Variants in ANKS1B observed in about 807,000 individuals in gnomAD.
ANKS1B encodes the protein ankyrin repeat and sterile alpha motif domain containing 1B.
In ANKS1B, 36 loss-of-function variants were observed where a neutral mutation model predicts 148.3. The observed-to-expected ratio is 0.24, with a 90% CI of 0.19 to 0.32. The LOEUF is 0.32. Among genes scored for constraint, ANKS1B ranks in the 10% least tolerant of loss-of-function variants. ANKS1B has a pLI of 1.00. For synonymous variants in ANKS1B, 542 were observed against 560.8 expected (o/e 0.97, Z 0.47); for missense variants, 1,157 against 1,542.6 (o/e 0.75, Z 4.19).
chr12:98,855,439 A>G (rs1312413907), intron 17 of ANKS1B, among the ~76,000 whole-genome samples: 4 of 152,196 alleles, frequency 2.6e-5, no homozygotes, highest in Non-Finnish European at 5.9e-5. Context: ...TTGCTGCCTA[A>G]TGTGCTTATT....
intron 8 of ANKS1B, among the ~76,000 whole-genome samples, chr12:99,661,442 C>T (rs576869198): frequency 2.6e-5 from 4 of 152,252 alleles, no homozygotes; most frequent in South Asian, 4.1e-4. Context: ...TCCCTGTACC[C>T]GTTTACAGAA....
intron 12 of ANKS1B, among the ~76,000 whole-genome samples, chr12:99,389,470 T>A (rs2093984214): frequency 6.6e-6 from 1 of 152,234 alleles, no homozygotes; most frequent in Admixed American, 6.5e-5. Context: ...CAAAAGACTC[T>A]TTTCCTCCTT....
chr12:99,219,354 A>C (rs2084729350), intron 14 of ANKS1B, among the ~76,000 whole-genome samples: 1 of 152,172 alleles, frequency 6.6e-6, no homozygotes, highest in Admixed American at 6.5e-5. Context: ...TCCTTTTGAA[A>C]TATGATTATC....
chr12:99,392,304 T>C (rs1567014782), intron 12 of ANKS1B, among the ~76,000 whole-genome samples: 1 of 152,260 alleles, frequency 6.6e-6, no homozygotes, highest in Non-Finnish European at 1.5e-5. Flanking sequence ...TGGCAATCCC[T>C]GATCAGTGTG....
intron 17 of ANKS1B, among the ~76,000 whole-genome samples, chr12:98,905,300 A>G (rs1286025994): frequency 6.6e-6 from 1 of 152,190 alleles, no homozygotes; most frequent in African/African-American, 2.4e-5. Flanking sequence ...AGTGACAGAT[A>G]ACAGCTTTGC....
At chr12:99,143,686 TGACCTG>T (rs2071851636) in intron 15 of ANKS1B, among the ~76,000 whole-genome samples, 2 of 152,130 alleles carry the variant, frequency 1.3e-5, no homozygotes, top group South Asian at 4.1e-4. Context: ...AGAACAAACT[TGACCTG>T]GAAATTCATC....
intron 9 of ANKS1B, among the ~76,000 whole-genome samples, chr12:99,573,168 T>G (rs1038546365): frequency 6.6e-6 from 1 of 152,074 alleles, no homozygotes; most frequent in African/African-American, 2.4e-5. Context: ...CACAAACAGA[T>G]TTTCAGCATC....
chr12:99,382,861 T>C (rs1367007842), intron 12 of ANKS1B, among the ~76,000 whole-genome samples: 2 of 152,146 alleles, frequency 1.3e-5, no homozygotes, highest in Non-Finnish European at 2.9e-5. Context: ...ATGGAATCAC[T>C]ACAGTAGTTT....
intron 25 of ANKS1B, among the ~76,000 whole-genome samples, chr12:98,764,979 C>A (rs10777944): frequency 0.46 from 69,677 of 152,048 alleles, 16,224 homozygotes; most frequent in East Asian, 0.59. Flanking sequence ...TACAGGAATG[C>A]ATTTTATGTG....
chr12:99,170,778 A>T (rs960648749), intron 14 of ANKS1B, among the ~76,000 whole-genome samples: 1 of 152,146 alleles, frequency 6.6e-6, no homozygotes, highest in African/African-American at 2.4e-5. Context: ...TCTAATATGC[A>T]CCAATAGCCA....
At chr12:99,780,883 A>C (rs1339037729) in intron 5 of ANKS1B, among the ~76,000 whole-genome samples, 1 of 152,192 alleles carries the variant, frequency 6.6e-6, no homozygotes, top group Non-Finnish European at 1.5e-5. Context: ...TTTATGCAAG[A>C]TTGTATTTGT....
intron 12 of ANKS1B, among the ~76,000 whole-genome samples, chr12:99,334,703 AT>A (rs1484825036): frequency 4.0e-5 from 6 of 151,894 alleles, no homozygotes; most frequent in African/African-American, 1.2e-4. Flanking sequence ...TATGTAGTAC[AT>A]TTTTTTCCAT....
intron 1 of ANKS1B, among the ~76,000 whole-genome samples, chr12:99,847,735 C>T (rs1175069351): frequency 6.6e-6 from 1 of 152,126 alleles, no homozygotes; most frequent in Non-Finnish European, 1.5e-5. Context: ...ATCTGTTATT[C>T]TTTTTTCTTG....
intron 2 of ANKS1B, among the ~76,000 whole-genome samples, chr12:99,824,083 T>A (rs767656911): frequency 7.5e-4 from 115 of 152,372 alleles, no homozygotes; most frequent in Middle Eastern, 6.8e-3. Flanking sequence ...AGCTCTTTTT[T>A]TAAATTCAAA....
intron 8 of ANKS1B, among the ~76,000 whole-genome samples, chr12:99,664,633 T>G (rs1259454239): frequency 6.6e-6 from 1 of 152,148 alleles, no homozygotes; most frequent in Non-Finnish European, 1.5e-5. Context: ...TACATACCTG[T>G]GCATTCACCA....
At chr12:99,957,941 C>G (rs2095348122) in intron 1 of ANKS1B, among the ~76,000 whole-genome samples, 1 of 152,128 alleles carries the variant, frequency 6.6e-6, no homozygotes, top group Admixed American at 6.5e-5. Context: ...ATAACTAAAC[C>G]AAAGTTTCAG....
At chr12:99,152,592 T>C (rs2075232742) in intron 15 of ANKS1B, among the ~76,000 whole-genome samples, 1 of 152,156 alleles carries the variant, frequency 6.6e-6, no homozygotes, top group South Asian at 2.1e-4. Flanking sequence ...TTCAAAAAGG[T>C]ATTATATTTG....
At chr12:98,764,507 C>T (rs935145984) in intron 25 of ANKS1B, among the ~76,000 whole-genome samples, 2 of 151,992 alleles carry the variant, frequency 1.3e-5, no homozygotes, top group Non-Finnish European at 2.9e-5. Flanking sequence ...GGATTACAGG[C>T]GTGAGCCACC....
intron 14 of ANKS1B, among the ~76,000 whole-genome samples, chr12:99,194,255 A>C (rs2081120703): frequency 6.6e-6 from 1 of 152,114 alleles, no homozygotes; most frequent in South Asian, 2.1e-4. Context: ...GAATACATGT[A>C]TTTGTCTAAC....
Sources: gnomAD v4.1 joint callset for allele counts (sites outside exome capture counted in the v4.1 genomes callset) on GRCh38, gnomAD v4.1.1 for gene constraint, MANE v1.5 for transcripts, NCBI Gene and HGNC (gene_info 2026-07-23, HGNC 2026-07-21) for gene names.